The following SCHIP1 variants were observed in gnomAD, a reference collection of about 807,000 sequenced individuals.
SCHIP1 encodes schwannomin interacting protein 1.
In SCHIP1, 8 loss-of-function variants were observed where a neutral mutation model predicts 29.7. That is an observed-to-expected ratio of 0.27 (90% CI 0.16 to 0.49). The LOEUF (loss-of-function observed/expected upper bound fraction) is 0.49, where lower values mean the gene tolerates loss of function less well. Among genes scored for constraint, SCHIP1 ranks in the 20% least tolerant of loss-of-function variants. The pLI, the probability that SCHIP1 is intolerant of heterozygous loss-of-function variation, is 0.99. For synonymous variants in SCHIP1, 76 were observed against 94.9 expected (o/e 0.80, Z 1.16); for missense variants, 193 against 294.6 (o/e 0.66, Z 2.52).
the SCHIP1 span, among the ~76,000 whole-genome samples, chr3:159,698,728 T>C: frequency 3.3e-5 from 5 of 152,110 alleles, no homozygotes; most frequent in African/African-American, 1.2e-4. Context: ...AACCTCCACC[T>C]CCTGGGTTCA....
the SCHIP1 span, among the ~76,000 whole-genome samples, chr3:159,827,510 G>A: frequency 3.3e-5 from 5 of 152,142 alleles, no homozygotes; most frequent in African/African-American, 7.2e-5. Context: ...ACTATTTTAC[G>A]TTATCCTACA....
the SCHIP1 span, among the ~76,000 whole-genome samples, chr3:159,345,238 A>AG: frequency 6.6e-6 from 1 of 151,906 alleles, no homozygotes; most frequent in Non-Finnish European, 1.5e-5. Context: ...AAAAAAAAAA[A>AG]AAAAGAAAAA....
the SCHIP1 span, among the ~76,000 whole-genome samples, chr3:159,587,864 A>G: frequency 6.6e-6 from 1 of 152,154 alleles, no homozygotes; most frequent in Non-Finnish European, 1.5e-5. Flanking sequence ...AACCCAGTCT[A>G]TCATTGATGG....
chr3:159,806,792 G>A, the SCHIP1 span, among the ~76,000 whole-genome samples: 1 of 152,220 alleles, frequency 6.6e-6, no homozygotes, highest in Non-Finnish European at 1.5e-5. Flanking sequence ...GTGGAGGCAT[G>A]CACCATCTTT....
chr3:159,789,273 C>T, the SCHIP1 span, among the ~76,000 whole-genome samples: 15 of 152,154 alleles, frequency 9.9e-5, no homozygotes, highest in Admixed American at 3.9e-4. Context: ...GGCAGAATTT[C>T]GTCCTTTTCA....
chr3:159,750,059 A>G, the SCHIP1 span, among the ~76,000 whole-genome samples: 2 of 152,068 alleles, frequency 1.3e-5, no homozygotes, highest in East Asian at 3.9e-4. Context: ...TGTTATCCTT[A>G]TGGGAGTTCT....
the SCHIP1 span, among the ~76,000 whole-genome samples, chr3:159,668,109 C>T: frequency 1.8e-4 from 28 of 152,044 alleles, no homozygotes; most frequent in Non-Finnish European, 4.1e-4. Context: ...GTGGCTCACG[C>T]CTGTAATCCC....
At chr3:159,681,066 G>C in the SCHIP1 span, among the ~76,000 whole-genome samples, 1 of 152,042 alleles carries the variant, frequency 6.6e-6, no homozygotes, top group African/African-American at 2.4e-5. Context: ...CTACTGACTG[G>C]CTCCTCTGTG....
chr3:159,411,981 T>C, the SCHIP1 span, among the ~76,000 whole-genome samples: 3 of 152,344 alleles, frequency 2.0e-5, no homozygotes, highest in East Asian at 5.8e-4. Flanking sequence ...TTAATGCAAC[T>C]ATCAATATGT....
the SCHIP1 span, among the ~76,000 whole-genome samples, chr3:159,300,117 T>A: frequency 1.6e-5 from 2 of 122,178 alleles, no homozygotes; most frequent in African/African-American, 3.0e-5. Context: ...AAGCTGCTTT[T>A]TTTTTTTTTT....
At chr3:159,715,489 A>G in the SCHIP1 span, among the ~76,000 whole-genome samples, 1 of 152,236 alleles carries the variant, frequency 6.6e-6, no homozygotes, top group East Asian at 1.9e-4. Context: ...ATCGCAAAGA[A>G]GCTAAAAACC....
At chr3:159,645,252 T>C in the SCHIP1 span, among the ~76,000 whole-genome samples, 6 of 151,902 alleles carry the variant, frequency 3.9e-5, no homozygotes, top group Non-Finnish European at 7.4e-5. Context: ...TAAGAACACC[T>C]CCTCCCCCAG....
chr3:159,396,819 G>A, the SCHIP1 span, among the ~76,000 whole-genome samples: 2 of 151,842 alleles, frequency 1.3e-5, no homozygotes, highest in African/African-American at 4.8e-5. Flanking sequence ...TCTTCTCGAG[G>A]AGTATCTTTG....
the SCHIP1 span, among the ~76,000 whole-genome samples, chr3:159,629,068 C>T: frequency 1.3e-5 from 2 of 151,974 alleles, no homozygotes; most frequent in African/African-American, 4.8e-5. Context: ...ATTATACATG[C>T]TGAAAATACG....
chr3:159,834,091 A>T, the SCHIP1 span, among the ~76,000 whole-genome samples: 1 of 152,188 alleles, frequency 6.6e-6, no homozygotes, highest in East Asian at 1.9e-4. Flanking sequence ...CTGAGTACGT[A>T]AGAGCTGTTT....
chr3:159,551,759 T>G, the SCHIP1 span, among the ~76,000 whole-genome samples: 1 of 152,128 alleles, frequency 6.6e-6, no homozygotes, highest in Non-Finnish European at 1.5e-5. Flanking sequence ...ATTTAGCAAA[T>G]TTGAATAAAA....
chr3:159,569,855 C>T, the SCHIP1 span, among the ~76,000 whole-genome samples: 1 of 152,178 alleles, frequency 6.6e-6, no homozygotes, highest in Non-Finnish European at 1.5e-5. Flanking sequence ...TTAATGATTG[C>T]CATTCTAACT....
At chr3:159,635,674 T>A in the SCHIP1 span, among the ~76,000 whole-genome samples, 1 of 152,318 alleles carries the variant, frequency 6.6e-6, no homozygotes, top group East Asian at 1.9e-4. Flanking sequence ...TTCCTTACTC[T>A]CATTTGAAAA....
the SCHIP1 span, among the ~76,000 whole-genome samples, chr3:159,509,714 C>T: frequency 2.0e-5 from 3 of 152,192 alleles, no homozygotes; most frequent in African/African-American, 7.2e-5. Context: ...TTTTATTTCT[C>T]CTTCACTTGT....
Sources: allele counts gnomAD v4.1 joint callset (sites outside exome capture counted in the v4.1 genomes callset), GRCh38; gene constraint gnomAD v4.1.1; transcripts MANE v1.5; gene names NCBI Gene and HGNC (gene_info 2026-07-23, HGNC 2026-07-21).